The following STK3 variants were observed in gnomAD, a reference collection of about 807,000 sequenced individuals.
STK3 encodes the protein serine/threonine-protein kinase 3.
In STK3, 41 loss-of-function variants were observed where a neutral mutation model predicts 58.0. That is an observed-to-expected ratio of 0.71 (90% CI 0.55 to 0.92). STK3 has a LOEUF of 0.92. STK3 is among the 40% of genes least tolerant of loss of function. STK3 has a pLI of 0.00. For missense variants in STK3, 479 were observed against 602.7 expected (o/e 0.79, Z 2.15); for synonymous variants, 170 against 191.0 (o/e 0.89, Z 0.91).
intron 3 of STK3, among the ~76,000 whole-genome samples, chr8:98,766,409 C>T (rs1304517770): frequency 1.3e-5 from 2 of 152,068 alleles, no homozygotes; most frequent in Admixed American, 6.6e-5. Flanking sequence ...TTAAATGACC[C>T]CTTTAACATC....
Position 98,649,975 on chromosome 8 carries a change from C to A in STK3, c.685-53806G>T, listed in dbSNP as rs1300760685. Among the ~76,000 whole-genome samples, 3 of 152,046 alleles carry A rather than the reference C, an allele frequency of 2.0e-5. No individual in the cohort carries two copies. In the East Asian group the frequency reaches 5.8e-4, roughly 29 times the overall value. On this transcript the variant is annotated intron_variant, in intron 6 of 10. Coordinates refer to ENST00000419617, the MANE Select transcript of STK3 (RefSeq NM_006281.4). ...TGTTAACTTTATTCCTAAGGATTTT[C>A]TAGTTTTTGAAACTACTTTTAATTG...
chr8:98,634,392 C>T (rs896451431), intron 6 of STK3, among the ~76,000 whole-genome samples: 13 of 151,830 alleles, frequency 8.6e-5, no homozygotes, highest in Non-Finnish European at 1.2e-4. Context: ...CCCAGCTACT[C>T]GGGAGGCTGA....
upstream of STK3, among the ~76,000 whole-genome samples, chr8:98,827,562 C>T (rs1371808374): frequency 6.6e-6 from 1 of 152,172 alleles, no homozygotes; most frequent in Non-Finnish European, 1.5e-5. Context: ...AATAAACTTA[C>T]ACTATTTTCA....
intron 1 of STK3, among the ~76,000 whole-genome samples, chr8:98,815,491 A>G (rs537910764): frequency 6.6e-6 from 1 of 152,346 alleles, no homozygotes; most frequent in East Asian, 1.9e-4. Context: ...AGAAGTATAC[A>G]AGATGGGCCC....
At chr8:98,489,283 G>C (rs1822516105) in intron 10 of STK3, among the ~76,000 whole-genome samples, 1 of 151,790 alleles carries the variant, frequency 6.6e-6, no homozygotes, top group East Asian at 1.9e-4. Flanking sequence ...TGGTGAAATT[G>C]TTCTTCTGAA....
intron 1 of STK3, among the ~76,000 whole-genome samples, chr8:98,932,441 A>C (rs1445078402): frequency 3.3e-5 from 5 of 152,220 alleles, no homozygotes; most frequent in South Asian, 4.1e-4. Context: ...TCAAGTATAT[A>C]ACCAGGGAAA....
the STK3 span, among the ~76,000 whole-genome samples, chr8:98,345,079 A>G: frequency 6.6e-6 from 1 of 151,896 alleles, no homozygotes; most frequent in African/African-American, 2.4e-5. Context: ...GAAGCACAGA[A>G]TGTTATAGCT....
intron 2 of STK3, among the ~76,000 whole-genome samples, chr8:98,771,022 T>C (rs918861347): frequency 5.9e-5 from 9 of 152,106 alleles, no homozygotes; most frequent in African/African-American, 2.2e-4. Flanking sequence ...GGAGGTGAAA[T>C]ACACACAACA....
At chr8:98,752,590 T>C (rs1183402865) in intron 3 of STK3, among the ~76,000 whole-genome samples, 1 of 151,324 alleles carries the variant, frequency 6.6e-6, no homozygotes, top group Admixed American at 6.6e-5. Flanking sequence ...AAAGCAAAAA[T>C]TGGCAAATGG....
intron 10 of STK3, among the ~76,000 whole-genome samples, chr8:98,458,116 C>CACACACACACACACACATGT (rs1304154272): frequency 8.3e-4 from 32 of 38,718 alleles, no homozygotes; most frequent in African/African-American, 4.1e-3. Flanking sequence ...CACACATATA[C>CACACACACACACACACATGT]ACACACACAC....
At chr8:98,417,971 G>A (rs529182526) in intron 3 of STK3, among the ~76,000 whole-genome samples, 5 of 152,082 alleles carry the variant, frequency 3.3e-5, no homozygotes, top group African/African-American at 4.8e-5. Context: ...GTGCAGTGGT[G>A]TAATTGTAGC....
At chr8:98,499,521 A>G (rs72666623) in intron 10 of STK3, among the ~76,000 whole-genome samples, 4,566 of 152,306 alleles carry the variant, frequency 0.03, 104 homozygotes, top group South Asian at 0.06. Context: ...TGCCTAAAAC[A>G]GATTTTTGGT....
intron 1 of STK3, chr8:98,904,792 C>G (rs941168161): frequency 6.0e-6 from 4 of 667,372 alleles, no homozygotes; most frequent in South Asian, 1.4e-5. Flanking sequence ...GTGGCCGGAG[C>G]GGCAGCCATA....
intron 3 of STK3, among the ~76,000 whole-genome samples, chr8:98,858,403 G>A (rs1048793539): frequency 2.8e-5 from 4 of 145,452 alleles, no homozygotes; most frequent in African/African-American, 7.6e-5. Context: ...TCCTGACCTC[G>A]TGATCCACCT....
At chr8:98,613,645 T>TA (rs933387123) in intron 6 of STK3, among the ~76,000 whole-genome samples, 48 of 147,720 alleles carry the variant, frequency 3.2e-4, no homozygotes, top group African/African-American at 9.7e-4. Context: ...CCACAGGAAG[T>TA]AAAAAAAAAG....
At chr8:98,898,885 G>A (rs1360629113) in intron 1 of STK3, among the ~76,000 whole-genome samples, 1 of 152,160 alleles carries the variant, frequency 6.6e-6, no homozygotes, top group Non-Finnish European at 1.5e-5. Flanking sequence ...CAGCCTGCCT[G>A]GTACGTGCTC....
intron 9 of STK3, among the ~76,000 whole-genome samples, chr8:98,535,251 C>G (rs1039330370): frequency 1.3e-5 from 2 of 152,030 alleles, no homozygotes; most frequent in Non-Finnish European, 2.9e-5. Context: ...TTCACTGAAG[C>G]GTATTTCTAG....
intron 6 of STK3, among the ~76,000 whole-genome samples, chr8:98,668,918 T>C (rs1468689074): frequency 6.6e-6 from 1 of 151,998 alleles, no homozygotes; most frequent in Non-Finnish European, 1.5e-5. Context: ...ATAATTCCAA[T>C]TATATTTCAA....
At chr8:98,462,073 A>T (rs1030802492) in intron 10 of STK3, among the ~76,000 whole-genome samples, 1 of 152,164 alleles carries the variant, frequency 6.6e-6, no homozygotes. Flanking sequence ...TCAAGCATTT[A>T]TCCTTTGAAT....
Sources: allele counts gnomAD v4.1 joint callset (sites outside exome capture counted in the v4.1 genomes callset), GRCh38; gene constraint gnomAD v4.1.1; transcripts MANE v1.5; gene names NCBI Gene and HGNC (gene_info 2026-07-23, HGNC 2026-07-21).